Variants in DGKH observed in about 807,000 individuals in gnomAD.
DGKH encodes the protein DAG kinase eta.
A neutral mutation model predicts 159.3 loss-of-function variants in DGKH; 90 were observed. That is an observed-to-expected ratio of 0.57 (90% CI 0.48 to 0.67). The LOEUF (loss-of-function observed/expected upper bound fraction) is 0.67. Ranked by LOEUF, DGKH falls within the 30% of genes least tolerant of loss-of-function variation. The probability of loss-of-function intolerance (pLI) is 0.00; values close to 1 mark genes in which losing one functional copy is unlikely to be tolerated. For missense variants in DGKH, 1,181 were observed against 1,506.1 expected (o/e 0.78, Z 3.57); for synonymous variants, 536 against 553.8 (o/e 0.97, Z 0.45).
intron 28 of DGKH, among the ~76,000 whole-genome samples, chr13:42,220,246 C>A (rs9594708): frequency 0.13 from 20,124 of 152,096 alleles, 1,694 homozygotes; most frequent in Admixed American, 0.23. Flanking sequence ...TTTAACTTGC[C>A]GATTACATTT....
chr13:42,186,768 G>A (rs1698120817), intron 13 of DGKH, among the ~76,000 whole-genome samples: 1 of 152,128 alleles, frequency 6.6e-6, no homozygotes, highest in African/African-American at 2.4e-5. Flanking sequence ...TTTTAAATGG[G>A]ATCTAAAAAT....
At chr13:42,150,761 T>G (rs551864707) in intron 3 of DGKH, among the ~76,000 whole-genome samples, 18 of 152,358 alleles carry the variant, frequency 1.2e-4, no homozygotes, top group Non-Finnish European at 2.6e-4. Context: ...AATTATTTTT[T>G]TTATGGGTGT....
In DGKH at chr13:42,229,760, T is replaced by C. The variant is rs952356674; in HGVS notation, c.*572T>C. 2 of 152,442 alleles carry C rather than the reference T, an allele frequency of 1.3e-5. No individual in the cohort carries two copies. Among genetic ancestry groups the C allele is most frequent in the African/African-American group, 4.8e-5 (2 of 41,468 alleles). 9.4% of individuals were successfully genotyped at this position (152,442 alleles called of 1,614,324 possible). A position where few individuals can be genotyped will look rare whatever the true frequency, so the allele number is the denominator to read the frequency against. On this transcript the variant is annotated 3_prime_UTR_variant, in exon 30 of 30. Transcript: ENST00000337343. ...TGCAAATCTTAATGCACGATGTTCC[T>C]GCCTGAAATGTCTTTCTTTTTCTTG...
chr13:42,089,325 C>T (rs1954369543), intron 1 of DGKH, among the ~76,000 whole-genome samples: 1 of 152,106 alleles, frequency 6.6e-6, no homozygotes, highest in Admixed American at 6.6e-5. Context: ...AAATATATTT[C>T]CTAAGATAGG....
At chr13:42,069,139 C>T in intron 1 of DGKH, 4 of 1,399,866 alleles carry the variant, frequency 2.9e-6, no homozygotes, top group Admixed American at 3.5e-5. Context: ...TTCTCTCTCC[C>T]CAAGCTTCCC....
chr13:42,235,675 T>C lies in DGKH; in HGVS notation c.*6487T>C, dbSNP rs1410253319. The C allele has an allele frequency of 1.3e-5, 2 of 152,192 alleles. No individual in the cohort carries two copies. The highest frequency in any genetic ancestry group is 2.9e-5 in the Non-Finnish European group (2 of 67,996). 9.4% of individuals were successfully genotyped at this position (152,192 alleles called of 1,614,324 possible). On this transcript the variant is annotated 3_prime_UTR_variant, in exon 30 of 30. Coordinates refer to ENST00000337343, the MANE Select transcript of DGKH (RefSeq NM_178009.5). ...TATTTCTTACAGTTCTGGTAACTGG[T>C]AACTAGTGCTGTGAAAGGTTTTGGT...
chr13:42,187,179 T>A lies in DGKH; in HGVS notation c.1638+31T>A, dbSNP rs190461594. 1.9e-6 allele frequency: 3 copies of A among 1,563,006 alleles called. No individual in the cohort carries two copies. The East Asian group carries it at 6.7e-5, about 35-fold the overall frequency. On this transcript the variant is annotated intron_variant, in intron 14 of 29. Transcript: ENST00000337343. Reference sequence around the variant, plus strand: ...AGGGGACTCTTCAGGGCATGAGAGTTGTTTATGGACAATGCTCACATTCAA... The same window carrying A: ...AGGGGACTCTTCAGGGCATGAGAGTAGTTTATGGACAATGCTCACATTCAA...
At chr13:42,076,863 G>A (rs1954110104) in intron 1 of DGKH, among the ~76,000 whole-genome samples, 1 of 152,114 alleles carries the variant, frequency 6.6e-6, no homozygotes, top group South Asian at 2.1e-4. Flanking sequence ...ATTTCTGTAG[G>A]ATGAGAAAGA....
chr13:42,219,496 A>G, intron 27 of DGKH, 147 bp downstream of exon 27: 1 of 1,344,550 alleles, frequency 7.4e-7, no homozygotes, highest in Admixed American at 2.4e-5. Flanking sequence ...GAGAAAAGGC[A>G]TTTATGTGAA....
intron 16 of DGKH, among the ~76,000 whole-genome samples, chr13:42,194,216 T>C (rs1957149551): frequency 6.6e-6 from 1 of 152,240 alleles, no homozygotes. Context: ...CATAGCTCAC[T>C]GCAACCTCAA....
At chr13:42,057,268 A>G (rs76826447) in intron 1 of DGKH, among the ~76,000 whole-genome samples, 1,865 of 152,256 alleles carry the variant, frequency 0.012, 41 homozygotes, top group African/African-American at 0.043. Flanking sequence ...ATTAAAACAT[A>G]TTTGAGGAAA....
rs763927642 is a variant in DGKH, at chr13:42,121,098, G to GCA, written c.193-6351_193-6350dup. On this transcript the variant is annotated intron_variant, in intron 1 of 29. Coordinates refer to ENST00000337343, the MANE Select transcript of DGKH (RefSeq NM_178009.5). ...ACACACACACACACACACAACATGCGCACACACACACACACGCACACAAGA... is the reference window on the plus strand; with the variant it reads ...ACACACACACACACACACAACATGCGCACACACACACACACACGCACACAAGA... 9.4e-4 allele frequency among the ~76,000 whole-genome samples: 79 copies of GCA among 84,372 alleles called. 1 individual carries two copies. Among genetic ancestry groups the GCA allele is most frequent in the African/African-American group, 2.1e-3 (49 of 23,246 alleles). 55.4% of individuals were successfully genotyped at this position (84,372 alleles called of 152,430 possible). A position where few individuals can be genotyped will look rare whatever the true frequency, so the allele number is the denominator to read the frequency against.
intron 28 of DGKH, 88 bp from the exon 29 acceptor site, chr13:42,221,174 ACT>A (rs1410925870): frequency 1.3e-6 from 2 of 1,524,524 alleles, no homozygotes; most frequent in East Asian, 4.6e-5. Flanking sequence ...CTGCCGCTGC[ACT>A]CTGTTTTGCA....
intron 1 of DGKH, among the ~76,000 whole-genome samples, chr13:42,121,903 G>A (rs567973313): frequency 7.2e-5 from 11 of 152,250 alleles, no homozygotes; most frequent in South Asian, 6.2e-4. Flanking sequence ...CCTCACCTCC[G>A]CCGTGGAGTC....
intron 1 of DGKH, among the ~76,000 whole-genome samples, chr13:42,103,077 G>A (rs1954682238): frequency 6.6e-6 from 1 of 152,168 alleles, no homozygotes; most frequent in Admixed American, 6.5e-5. Flanking sequence ...GAGATTTTTT[G>A]CCTCCCTTTC....
At chr13:42,175,842 G>T (rs779535297) in intron 12 of DGKH, among the ~76,000 whole-genome samples, 1 of 152,160 alleles carries the variant, frequency 6.6e-6, no homozygotes, top group African/African-American at 2.4e-5. Flanking sequence ...TGAAAACTGC[G>T]ATAAAAGTAG....
chr13:42,186,017 GTGTGT>G (rs751353986), intron 13 of DGKH, among the ~76,000 whole-genome samples: 13 of 88,586 alleles, frequency 1.5e-4, no homozygotes, highest in Non-Finnish European at 2.7e-4. Flanking sequence ...GGTGGTGTGT[GTGTGT>G]GTGTGTGTGT....
intron 1 of DGKH, among the ~76,000 whole-genome samples, chr13:42,092,235 G>A (rs1241057250): frequency 1.3e-5 from 2 of 152,140 alleles, no homozygotes; most frequent in Non-Finnish European, 2.9e-5. Flanking sequence ...CAATCCCACT[G>A]CTGGCTATAT....
In DGKH at chr13:42,221,198, C is replaced by T. The variant is rs969138024; in HGVS notation, c.3443-66C>T. ...CACTCTGTTTTGCATCTTCTTTGGC[C>T]AACCTTTGCTTTGTAATGCATTGAG... On this transcript the variant is annotated intron_variant, in intron 28 of 29. Transcript: ENST00000337343. 1.7e-5 allele frequency: 27 copies of T among 1,580,050 alleles called. No individual in the cohort carries two copies. In the African/African-American group the frequency reaches 3.7e-4, roughly 21 times the overall value.
Sources: gnomAD v4.1 joint callset for allele counts (sites outside exome capture counted in the v4.1 genomes callset) on GRCh38, gnomAD v4.1.1 for gene constraint, MANE v1.5 for transcripts, NCBI Gene and HGNC (gene_info 2026-07-23, HGNC 2026-07-21) for gene names.